Variants in TBX22 observed in about 807,000 individuals in gnomAD.
The protein encoded by TBX22 is T-box transcription factor 22.
A neutral mutation model predicts 30.1 loss-of-function variants in TBX22; 8 were observed. The observed-to-expected ratio is 0.27, with a 90% confidence interval of 0.16 to 0.48. The LOEUF (loss-of-function observed/expected upper bound fraction) is 0.48. Ranked by LOEUF, TBX22 falls within the 20% of genes least tolerant of loss-of-function variation. The pLI is 0.99. For missense variants in TBX22, 463 were observed against 400.5 expected (o/e 1.16, Z -1.33); for synonymous variants, 173 against 149.1 (o/e 1.16, Z -1.17).
intron 1 of TBX22, among the ~76,000 whole-genome samples, chrX:80,016,832 C>A (rs1923457914): frequency 9.2e-6 from 1 of 109,066 alleles, no homozygotes; most frequent in Non-Finnish European, 1.9e-5. Context: ...ATGGTGAAAC[C>A]CCGTCTCTAC....
chrX:80,031,360 T>C lies in TBX22; in HGVS notation c.*249T>C. On this transcript the variant is annotated 3_prime_UTR_variant, in exon 9 of 9. Transcript: ENST00000373296. Reference sequence around the variant, plus strand: ...GCTTCAAAATGAGATATGCAATAAATATTATTTGATGATACTCCACCAGTG... The same window carrying C: ...GCTTCAAAATGAGATATGCAATAAACATTATTTGATGATACTCCACCAGTG... 5.5e-6 allele frequency: 2 copies of C among 360,493 alleles called. No individual in the cohort carries two copies. The highest frequency in any genetic ancestry group is 1.0e-4 in the South Asian group (2 of 19,499). The allele number at this position is 360,493 out of a possible 1,213,427, so 29.7% of individuals were successfully genotyped here.
Position 80,017,030 on chromosome X carries a change from GA to G in TBX22, c.-3+2151del, listed in dbSNP as rs1172209368. Among the ~76,000 whole-genome samples, 11 of 87,745 alleles carry G rather than the reference GA, an allele frequency of 1.3e-4. 1 individual carries two copies. The East Asian group carries it at 3.2e-3, about 25-fold the overall frequency. The allele number at this position is 87,745 out of a possible 115,157, so 76.2% of individuals were successfully genotyped here. A position where few individuals can be genotyped will look rare whatever the true frequency, so the allele number is the denominator to read the frequency against. The stretch of plus-strand genomic sequence containing the variant: ...CAAAAAAAAAAAAAAAAAAAAGCAT[GA>G]AAAAAAACAAAGAAAAGGAAAGAGG... On this transcript the variant is annotated intron_variant, in intron 1 of 8. Coordinates refer to ENST00000373296, the MANE Select transcript of TBX22 (RefSeq NM_001109878.2).
At chrX:80,016,671 CA>C (rs1031553785) in intron 1 of TBX22, among the ~76,000 whole-genome samples, 1 of 111,103 alleles carries the variant, frequency 9.0e-6, no homozygotes, top group Non-Finnish European at 1.9e-5. Flanking sequence ...ATGCATATAG[CA>C]TATTTGGAGG....
At chrX:80,022,240 C>T (rs1380953238) in intron 1 of TBX22, 28 bp from the exon 2 acceptor site, 1 of 1,205,391 alleles carries the variant, frequency 8.3e-7, no homozygotes, top group Non-Finnish European at 1.1e-6. Context: ...TGAAACTTTG[C>T]TGCAAAGAAT....
In TBX22 at chrX:80,026,921, A is replaced by G; in HGVS notation, c.798+53A>G. On this transcript the variant is annotated intron_variant, in intron 6 of 8. Transcript: ENST00000373296. ...GGAAATGGCTCCAGAGGGACCTTGG[A>G]TTAGAGGCATAGAGGCTAACTGCCA... is the stretch of plus-strand genomic sequence containing the variant. 8.0e-6 allele frequency: 9 copies of G among 1,126,063 alleles called. No homozygotes were observed. In the South Asian group the frequency reaches 1.6e-4, roughly 20 times the overall value. The allele number at this position is 1,126,063 out of a possible 1,213,427, so 92.8% of individuals were successfully genotyped here.
At chrX:80,029,946 T>C (rs376509834) in intron 8 of TBX22, among the ~76,000 whole-genome samples, 1 of 111,781 alleles carries the variant, frequency 8.9e-6, no homozygotes, top group Admixed American at 9.5e-5. Context: ...GTAATAGTGG[T>C]AGTAGTATAG....
chrX:80,029,597 C>T (rs1427319894), intron 8 of TBX22, among the ~76,000 whole-genome samples: 1 of 111,876 alleles, frequency 8.9e-6, no homozygotes, highest in Non-Finnish European at 1.9e-5. Context: ...TTCATGTTCA[C>T]TAATTTTTTA....
At position 80,030,740 on chromosome X, in the gene TBX22, A is replaced by G; in HGVS notation, c.1192A>G (p.Asn398Asp). Reference sequence around the variant, plus strand: ...GGCTCCTGAAAGACTAGCAAGCAGCAACAGTTCTCAGTCTTTAGCCCCACT... The same window carrying G: ...GGCTCCTGAAAGACTAGCAAGCAGCGACAGTTCTCAGTCTTTAGCCCCACT... ...LPAPERLASS[N>D]SSQSLAPLMM... is the part of the protein sequence containing the mutation. The change falls in exon 9 of 9, where the codon AAC (asparagine) becomes GAC (aspartate). Residue 398 changes from asparagine (N) to aspartate (D), a missense_variant. By Grantham distance (23) the Asn-to-Asp change is conservative. Transcript: ENST00000373296. 8.2e-7 allele frequency: 1 copy of G among 1,212,134 alleles called. No individual in the cohort carries two copies. The highest frequency in any genetic ancestry group is 1.1e-6 in the Non-Finnish European group (1 of 895,592).
In TBX22 at chrX:80,016,930, TG is replaced by T. The variant is rs774547893; in HGVS notation, c.-3+2049del. ...CTGAGGCAGGAGAATCACCTGAAGC[TG>T]GGGGGCAGAGGTTGCAGTGAGCTGA... On this transcript the variant is annotated intron_variant, in intron 1 of 8. Transcript: ENST00000373296. Among the ~76,000 whole-genome samples, 298 of 88,935 alleles carry T rather than the reference TG, an allele frequency of 3.4e-3. 3 individuals are homozygous for T. The highest frequency in any genetic ancestry group is 4.0e-3 in the Admixed American group (25 of 6,310). 77.2% of individuals were successfully genotyped at this position (88,935 alleles called of 115,157 possible). A position where few individuals can be genotyped will look rare whatever the true frequency, so the allele number is the denominator to read the frequency against.
chrX:80,030,642 C>T lies in TBX22; in HGVS notation c.1094C>T (p.Pro365Leu). ...LGMPCPEAYL[P>L]NVNLPLCYKI... is the part of the protein sequence containing the mutation. ...ATGCCCTGTCCAGAGGCATACCTGC[C>T]CAATGTCAACCTGCCTCTATGCTAC... Residue 365 changes from proline (P) to leucine (L), a missense_variant, in exon 9 of 9, where the codon CCC (proline) becomes CTC (leucine). Pro to Leu is a moderately conservative substitution (Grantham distance 98). Coordinates refer to ENST00000373296, the MANE Select transcript of TBX22 (RefSeq NM_001109878.2). 1.7e-6 allele frequency: 2 copies of T among 1,211,517 alleles called. No individual in the cohort carries two copies.
At chrX:80,025,535 A>G in intron 4 of TBX22, 68 bp from the exon 5 acceptor site, 1 of 941,904 alleles carries the variant, frequency 1.1e-6, no homozygotes, top group Non-Finnish European at 1.5e-6. Flanking sequence ...TGAAGTCCTC[A>G]GGAACAGAAC....
chrX:80,018,229 G>A (rs749541906), intron 1 of TBX22, among the ~76,000 whole-genome samples: 13 of 111,835 alleles, frequency 1.2e-4, no homozygotes, highest in Non-Finnish European at 2.4e-4. Context: ...ACACAGCTAC[G>A]AGTTAGGGTC....
chrX:80,029,335 A>C (rs1924136530), intron 8 of TBX22, among the ~76,000 whole-genome samples: 1 of 112,275 alleles, frequency 8.9e-6, no homozygotes, highest in South Asian at 3.6e-4. Context: ...ATTTACAAAA[A>C]TAAGCTTTAG....
Position 80,024,154 on chromosome X carries a change from A to C in TBX22, c.448A>C (p.Lys150Gln), listed in dbSNP as rs1156605251. ...VAIDVVPVDSKRYRYVYHSSQ... is the reference protein window; with the variant it reads ...VAIDVVPVDSQRYRYVYHSSQ... ...CATCGATGTGGTGCCGGTGGATTCC[A>C]AACGCTATAGGTAATGGGCCCCATA... The change falls in exon 4 of 9, where the codon AAA becomes CAA. Residue 150 changes from lysine to glutamine, a missense_variant. Transcript: ENST00000373296. 11 of 1,207,301 alleles carry C rather than the reference A, an allele frequency of 9.1e-6. No individual in the cohort carries two copies. The highest frequency in any genetic ancestry group is 1.8e-5 in the South Asian group (1 of 56,685).
rs1277452059 is a variant in TBX22 at position 80,030,620 on chromosome X, C to A, written c.1072C>A (p.Pro358Thr). The A allele has an allele frequency of 8.3e-7, 1 of 1,211,644 alleles. No individual in the cohort carries two copies. The highest frequency in any genetic ancestry group is 1.1e-6 in the Non-Finnish European group (1 of 895,457). Residue 358 changes from proline to threonine, a missense_variant, in exon 9 of 9, where the codon CCC becomes ACC. Coordinates refer to ENST00000373296, the MANE Select transcript of TBX22 (RefSeq NM_001109878.2). ...TTTACCTACAAGCTCCCTTGGAATG[C>A]CCTGTCCAGAGGCATACCTGCCCAA... ...FHLPTSSLGM[P>T]CPEAYLPNVN...
At position 80,018,154 on chromosome X, in the gene TBX22, G is replaced by A. The variant is rs754270377; in HGVS notation, c.-3+3267G>A. On this transcript the variant is annotated intron_variant, in intron 1 of 8. Coordinates refer to ENST00000373296, the MANE Select transcript of TBX22 (RefSeq NM_001109878.2). ...TTGAATTAAGCTAACCAGAAGTTGA[G>A]GGATTCAGTGTGAGAATTACTTTAA... Among the ~76,000 whole-genome samples, 4 of 112,007 alleles carry A rather than the reference G, an allele frequency of 3.6e-5. No individual in the cohort carries two copies. In the South Asian group the frequency reaches 1.5e-3, roughly 41 times the overall value.
chrX:80,030,255 A>T (rs1019692323), intron 8 of TBX22, among the ~76,000 whole-genome samples: 1 of 112,039 alleles, frequency 8.9e-6, no homozygotes, highest in Admixed American at 9.5e-5. Context: ...AGCCTGATTC[A>T]TAACAGGCTA....
rs1284575103 is a variant in TBX22, at chrX:80,022,920, T to C, written c.176-140T>C. On this transcript the variant is annotated intron_variant, in intron 2 of 8. Transcript: ENST00000373296. ...CATTAAGCGGCCACAGAGGGTGTTA[T>C]GCGGAGCTTGGGGAATCTGTCGCCA... The C allele has an allele frequency of 2.1e-5, 13 of 604,943 alleles. No homozygotes were observed. In the Admixed American group the frequency reaches 2.2e-4, roughly 10 times the overall value. The allele number at this position is 604,943 out of a possible 1,213,427, so 49.9% of individuals were successfully genotyped here.
Position 80,031,212 on chromosome X carries a change from A to G in TBX22, c.*101A>G. The G allele has an allele frequency of 1.3e-6, 1 of 754,648 alleles. No individual in the cohort carries two copies. The highest frequency in any genetic ancestry group is 1.9e-6 in the Non-Finnish European group (1 of 524,111). 62.2% of individuals were successfully genotyped at this position (754,648 alleles called of 1,213,427 possible). ...GTTATTGGGCTTAAAAAGCATCATT[A>G]CAATACAGTATTTCTTTGTTATACA... is the stretch of plus-strand genomic sequence containing the variant. On this transcript the variant is annotated 3_prime_UTR_variant, in exon 9 of 9. Coordinates refer to ENST00000373296, the MANE Select transcript of TBX22 (RefSeq NM_001109878.2).
Sources: allele counts gnomAD v4.1 joint callset (sites outside exome capture counted in the v4.1 genomes callset), GRCh38; gene constraint gnomAD v4.1.1; transcripts MANE v1.5; gene names NCBI Gene and HGNC (gene_info 2026-07-23, HGNC 2026-07-21).